B4GALNT3: variants seen among roughly 807,000 people sequenced by gnomAD.
B4GALNT3 encodes the protein beta-1,4-N-acetylgalactosaminyltransferase 3.
Under a neutral mutation model 120.2 loss-of-function variants are expected in B4GALNT3, and 86 were observed. The ratio of observed to expected loss-of-function variants is 0.72; its 90% CI spans 0.60 to 0.86. The LOEUF is 0.86. B4GALNT3 is among the 40% of genes least tolerant of loss of function. B4GALNT3 has a pLI of 0.00. For synonymous variants in B4GALNT3, 518 were observed against 510.4 expected, an observed-to-expected ratio of 1.01 and a Z score of -0.20; for missense variants, 1,167 against 1,298.9, an observed-to-expected ratio of 0.90 and a Z score of 1.56.
chr12:460,642 GATTTCCCACCC>G lies in B4GALNT3; in HGVS notation c.169+103_169+113del. ...CGCCTCTCATCCCATCCTCAGACCC[GATTTCCCACCC>G]ATTTCTCCCTCAGGTGCCCGGCGTC... On this transcript the variant is annotated intron_variant, in intron 1 of 19. Coordinates refer to ENST00000266383, the MANE Select transcript of B4GALNT3 (RefSeq NM_173593.4). This position sits in a 1 kb window ranked among gnomAD's most constrained non-coding sequence, Gnocchi z 8.0. 1 of 1,145,190 alleles carries G rather than the reference GATTTCCCACCC, an allele frequency of 8.7e-7. No homozygotes were observed. Among genetic ancestry groups the G allele is most frequent in the Non-Finnish European group, 1.1e-6 (1 of 900,246 alleles). 70.9% of individuals were successfully genotyped at this position (1,145,190 alleles called of 1,614,324 possible). A position where few individuals can be genotyped will look rare whatever the true frequency, so the allele number is the denominator to read the frequency against.
chr12:478,282 G>GA (rs1946204392), intron 1 of B4GALNT3, among the ~76,000 whole-genome samples: 1 of 98,756 alleles, frequency 1.0e-5, no homozygotes, highest in Non-Finnish European at 2.0e-5. Flanking sequence ...ATTAGAGGAG[G>GA]TAAAAAAAAA....
At chr12:484,207 C>T (rs1946267903) in intron 1 of B4GALNT3, among the ~76,000 whole-genome samples, 1 of 152,178 alleles carries the variant, frequency 6.6e-6, no homozygotes. Flanking sequence ...CTCTTAGCAT[C>T]CTCCAGTTAC....
intron 1 of B4GALNT3, among the ~76,000 whole-genome samples, chr12:523,506 G>A (rs1024563265): frequency 5.3e-5 from 8 of 152,112 alleles, no homozygotes; most frequent in Admixed American, 6.6e-5. Context: ...CTCAGCCAGC[G>A]TCCTCCCCGG....
chr12:494,377 G>A (rs1014229656), intron 1 of B4GALNT3, among the ~76,000 whole-genome samples: 7 of 151,660 alleles, frequency 4.6e-5, no homozygotes, highest in South Asian at 2.1e-4. Context: ...ATCAGTCAGC[G>A]TTCACATTGC....
At chr12:528,296 GAC>G (rs1218229511) in intron 1 of B4GALNT3, among the ~76,000 whole-genome samples, 2 of 152,094 alleles carry the variant, frequency 1.3e-5, no homozygotes, top group African/African-American at 2.4e-5. Flanking sequence ...GTGCAGTCAT[GAC>G]ACACTACAGC....
rs780748415 is a variant in B4GALNT3, at chr12:553,874, G to T, written c.1951G>T (p.Asp651Tyr). 1 of 1,614,210 alleles carries T rather than the reference G, an allele frequency of 6.2e-7. No individual in the cohort carries two copies. The highest frequency in any genetic ancestry group is 1.7e-5 in the Admixed American group (1 of 60,032). ...RNLDFQALRT[D>Y]WIDLSCNTSG... is the part of the protein sequence containing the mutation. The stretch of plus-strand genomic sequence containing the variant: ...TCTCGACTTCCAAGCCCTGAGGACT[G>T]ACTGGATCGATCTGAGCTGTAACAC... The change falls in exon 14 of 20, where the codon GAC becomes TAC. Residue 651 changes from aspartate (D) to tyrosine (Y), a missense_variant. Around this residue, in one of 3 missense-constraint regions of B4GALNT3, gnomAD observed 983 missense variants for 1,102.5 expected, o/e 0.89. Coordinates refer to ENST00000266383, the MANE Select transcript of B4GALNT3 (RefSeq NM_173593.4).
intron 1 of B4GALNT3, among the ~76,000 whole-genome samples, chr12:519,018 G>A (rs570787422): frequency 1.3e-5 from 2 of 152,154 alleles, no homozygotes. Context: ...CCCACTGTAA[G>A]CCATTTCGTG....
chr12:514,939 G>A (rs529607747), intron 1 of B4GALNT3, among the ~76,000 whole-genome samples: 1 of 152,136 alleles, frequency 6.6e-6, no homozygotes, highest in African/African-American at 2.4e-5. Context: ...TGAGGCAAGA[G>A]AATCGCTTGA....
chr12:505,849 A>G (rs1279991149), intron 1 of B4GALNT3, among the ~76,000 whole-genome samples: 1 of 152,194 alleles, frequency 6.6e-6, no homozygotes, highest in African/African-American at 2.4e-5. Flanking sequence ...AGCTCTGTGG[A>G]ACCCACCAAG....
chr12:478,960 C>T (rs149994848), intron 1 of B4GALNT3, among the ~76,000 whole-genome samples: 9 of 152,290 alleles, frequency 5.9e-5, no homozygotes, highest in Non-Finnish European at 1.3e-4. Flanking sequence ...ACCCACCTAG[C>T]GTGATGAATC....
At chr12:523,086 G>C (rs1373661432) in intron 1 of B4GALNT3, among the ~76,000 whole-genome samples, 1 of 152,090 alleles carries the variant, frequency 6.6e-6, no homozygotes, top group Non-Finnish European at 1.5e-5. Context: ...GGCACCTTTG[G>C]ACTGTGCCTT....
In B4GALNT3 at chr12:559,532, C is replaced by T. The variant is rs1046879214; in HGVS notation, c.2888+111C>T. ...CCCCCTCGGCCGCAGAGTCCCAAAG[C>T]ACAGTAAAGAGCACTGGACTCGGAG... On this transcript the variant is annotated intron_variant, in intron 19 of 19. Transcript: ENST00000266383. 25 of 1,484,174 alleles carry T rather than the reference C, an allele frequency of 1.7e-5. No homozygotes were observed. In the African/African-American group the frequency reaches 3.5e-4, roughly 21 times the overall value. The allele number at this position is 1,484,174 out of a possible 1,614,324, so 91.9% of individuals were successfully genotyped here.
intron 1 of B4GALNT3, among the ~76,000 whole-genome samples, chr12:507,747 G>C (rs1349800307): frequency 1.3e-5 from 2 of 152,230 alleles, no homozygotes; most frequent in Non-Finnish European, 2.9e-5. Flanking sequence ...CCAGCTGTAG[G>C]GCCCGTGACT....
At chr12:469,192 C>T (rs947458755) in intron 1 of B4GALNT3, among the ~76,000 whole-genome samples, 18 of 152,044 alleles carry the variant, frequency 1.2e-4, no homozygotes, top group African/African-American at 4.1e-4. Flanking sequence ...CCAGTTCAAG[C>T]GCCATGACTC....
At chr12:540,268 G>A (rs1329725915) in intron 3 of B4GALNT3, among the ~76,000 whole-genome samples, 1 of 152,180 alleles carries the variant, frequency 6.6e-6, no homozygotes, top group African/African-American at 2.4e-5. Context: ...TTACATGTCT[G>A]CCTCCTTTGA....
chr12:460,659 T>C lies in B4GALNT3; in HGVS notation c.169+114T>C, dbSNP rs1309370965. On this transcript the variant is annotated intron_variant, in intron 1 of 19. Transcript: ENST00000266383. This position sits in a 1 kb window ranked among gnomAD's most constrained non-coding sequence, Gnocchi z 8.0. Reference sequence around the variant, plus strand: ...TCAGACCCGATTTCCCACCCATTTCTCCCTCAGGTGCCCGGCGTCGCCCCG... The same window carrying C: ...TCAGACCCGATTTCCCACCCATTTCCCCCTCAGGTGCCCGGCGTCGCCCCG... 2.8e-6 allele frequency: 3 copies of C among 1,054,304 alleles called. No homozygotes were observed. The highest frequency in any genetic ancestry group is 3.7e-6 in the Non-Finnish European group (3 of 821,630). The allele number at this position is 1,054,304 out of a possible 1,614,324, so 65.3% of individuals were successfully genotyped here. A position where few individuals can be genotyped will look rare whatever the true frequency, so the allele number is the denominator to read the frequency against.
intron 1 of B4GALNT3, among the ~76,000 whole-genome samples, chr12:510,455 G>T (rs1214870116): frequency 6.9e-6 from 1 of 145,292 alleles, no homozygotes; most frequent in Non-Finnish European, 1.5e-5. Context: ...GGGGGGGTTG[G>T]ACGCTGGGGG....
At chr12:512,968 T>TTTCTTCCACCTTCCACCTTCCACC (rs1474575300) in intron 1 of B4GALNT3, among the ~76,000 whole-genome samples, 2 of 47,230 alleles carry the variant, frequency 4.2e-5, no homozygotes, top group African/African-American at 1.6e-4. Context: ...CACCTTCCAC[T>TTTCTTCCACCTTCCACCTTCCACC]TTCCACCTTC....
In B4GALNT3 at chr12:548,731, G is replaced by A. The variant is rs550851453; in HGVS notation, c.853+434G>A. On this transcript the variant is annotated intron_variant, in intron 9 of 19. Coordinates refer to ENST00000266383, the MANE Select transcript of B4GALNT3 (RefSeq NM_173593.4). The surrounding 1 kb of genome is among the most constrained non-coding windows in gnomAD (Gnocchi z 4.9). ...TCGAGACCAGCCCAGGCCACATAGC[G>A]ACACCTCATCTCTACAAAAAATTAA... Among the ~76,000 whole-genome samples the A allele has an allele frequency of 3.5e-4, 53 of 152,046 alleles. 1 individual carries two copies. The highest frequency in any genetic ancestry group is 1.2e-3 in the African/African-American group (51 of 41,464).
Sources: allele counts gnomAD v4.1 joint callset (sites outside exome capture counted in the v4.1 genomes callset), GRCh38; gene constraint gnomAD v4.1.1; regional missense constraint gnomAD v4.1.1; non-coding constraint Gnocchi (gnomAD v3.1); transcripts MANE v1.5; gene names NCBI Gene and HGNC (gene_info 2026-07-23, HGNC 2026-07-21).